SUGCT: variants seen among roughly 807,000 people sequenced by gnomAD.
SUGCT encodes the protein succinyl-CoA:glutarate CoA-transferase.
SUGCT carries 41 observed loss-of-function variants against 55.0 expected under a neutral mutation model. That is an observed-to-expected ratio of 0.74 (90% CI 0.58 to 0.97). The LOEUF is 0.97. Among genes scored for constraint, SUGCT ranks in the 50% least tolerant of loss-of-function variants. The pLI, the probability that SUGCT is intolerant of heterozygous loss-of-function variation, is 0.00. For missense variants in SUGCT, 568 were observed against 547.8 expected (o/e 1.04, Z -0.37); for synonymous variants, 187 against 200.4 (o/e 0.93, Z 0.56).
intron 9 of SUGCT, among the ~76,000 whole-genome samples, chr7:40,361,693 G>A (rs1436556016): frequency 6.6e-6 from 1 of 152,164 alleles, no homozygotes. Flanking sequence ...GTGGCTTACT[G>A]TAGTGTTTTG....
the SUGCT span, among the ~76,000 whole-genome samples, chr7:40,904,170 T>C: frequency 6.6e-6 from 1 of 152,236 alleles, no homozygotes; most frequent in Admixed American, 6.5e-5. Flanking sequence ...GCGAGTACTT[T>C]TAAAGCAAGT....
At chr7:40,313,615 G>T (rs1053017561) in intron 8 of SUGCT, among the ~76,000 whole-genome samples, 13 of 147,184 alleles carry the variant, frequency 8.8e-5, no homozygotes, top group African/African-American at 2.7e-4. Flanking sequence ...TCACACTTTG[G>T]TTTTTTTGTT....
intron 13 of SUGCT, among the ~76,000 whole-genome samples, chr7:40,828,302 A>G (rs749234899): frequency 2.0e-5 from 3 of 152,160 alleles, no homozygotes; most frequent in Admixed American, 1.3e-4. Flanking sequence ...GGGAGCAAGC[A>G]TGTTCCAGTT....
chr7:40,883,899 C>T, the SUGCT span, among the ~76,000 whole-genome samples: 1 of 152,182 alleles, frequency 6.6e-6, no homozygotes, highest in Non-Finnish European at 1.5e-5. Context: ...GATATGCAAC[C>T]ACAGACAGAG....
intron 12 of SUGCT, among the ~76,000 whole-genome samples, chr7:40,643,515 G>T (rs1015809165): frequency 1.3e-5 from 2 of 152,140 alleles, no homozygotes; most frequent in Non-Finnish European, 2.9e-5. Flanking sequence ...CACCTCTTAC[G>T]TTTTTGTCCC....
chr7:40,382,966 G>A (rs1784943164), intron 9 of SUGCT, among the ~76,000 whole-genome samples: 1 of 152,142 alleles, frequency 6.6e-6, no homozygotes, highest in Non-Finnish European at 1.5e-5. Context: ...TTTATTGAAT[G>A]TACAAGAAGA....
chr7:40,446,354 C>CA (rs898196028), intron 9 of SUGCT, among the ~76,000 whole-genome samples: 20 of 152,180 alleles, frequency 1.3e-4, no homozygotes, highest in African/African-American at 1.7e-4. Flanking sequence ...CCCTTCTCCA[C>CA]AAAAAAGCAA....
intron 12 of SUGCT, among the ~76,000 whole-genome samples, chr7:40,640,165 A>C (rs933247476): frequency 6.6e-6 from 1 of 152,208 alleles, no homozygotes; most frequent in African/African-American, 2.4e-5. Context: ...CAAGTCAGAA[A>C]AATCAAACAA....
downstream of SUGCT, among the ~76,000 whole-genome samples, chr7:40,864,138 T>C (rs558432459): frequency 7.2e-4 from 110 of 152,290 alleles, no homozygotes; most frequent in African/African-American, 2.4e-3. Flanking sequence ...CATGCCATTT[T>C]CTGAGCATGA....
At chr7:40,943,268 TTTA>T in the SUGCT span, among the ~76,000 whole-genome samples, 796 of 151,062 alleles carry the variant, frequency 5.3e-3, 6 homozygotes, top group African/African-American at 0.018. Flanking sequence ...GTGACTTTAT[TTTA>T]TTATTATTAT....
chr7:40,698,679 T>G (rs1785043520), intron 12 of SUGCT, among the ~76,000 whole-genome samples: 1 of 152,224 alleles, frequency 6.6e-6, no homozygotes, highest in Admixed American at 6.5e-5. Context: ...AAGATTGGGC[T>G]TCGTATCCAG....
chr7:40,849,244 A>T (rs1793731759), intron 13 of SUGCT, among the ~76,000 whole-genome samples: 1 of 152,246 alleles, frequency 6.6e-6, no homozygotes, highest in Admixed American at 6.5e-5. Context: ...TAAGAAAAAA[A>T]TCAAATGAAA....
intron 6 of SUGCT, among the ~76,000 whole-genome samples, chr7:40,201,333 C>T (rs748101810): frequency 4.6e-5 from 7 of 152,010 alleles, no homozygotes; most frequent in East Asian, 3.9e-4. Flanking sequence ...GTTCATCTGG[C>T]GATGTTCACA....
intron 9 of SUGCT, among the ~76,000 whole-genome samples, chr7:40,364,580 G>A (rs1783826119): frequency 1.3e-5 from 2 of 152,132 alleles, no homozygotes; most frequent in South Asian, 4.1e-4. Flanking sequence ...ATGAAGCTTA[G>A]TTTGGGTGGA....
chr7:40,269,746 C>CATTTGTAT (rs1791880059), intron 7 of SUGCT, among the ~76,000 whole-genome samples: 1 of 152,104 alleles, frequency 6.6e-6, no homozygotes, highest in Admixed American at 6.6e-5. Context: ...GTTTAATGAC[C>CATTTGTAT]ATTTGTATAT....
the SUGCT span, among the ~76,000 whole-genome samples, chr7:41,036,324 T>C: frequency 6.6e-6 from 1 of 152,220 alleles, no homozygotes; most frequent in Non-Finnish European, 1.5e-5. Flanking sequence ...TGTAACAATT[T>C]ATGTTAGAAA....
chr7:40,548,669 T>C (rs1020068836), intron 12 of SUGCT, among the ~76,000 whole-genome samples: 3 of 152,140 alleles, frequency 2.0e-5, no homozygotes, highest in Admixed American at 6.6e-5. Context: ...TGAACCTACA[T>C]TGACCCATCC....
In SUGCT at chr7:40,823,178, G is replaced by A. The variant is rs1255080834; in HGVS notation, c.1154-37138G>A. ...ACCATACATCCTATTTGAATTTCAT[G>A]GAGCAACCCCCTTAAATAACTTTTA... On this transcript the variant is annotated intron_variant, in intron 13 of 13. Coordinates refer to ENST00000335693, the MANE Select transcript of SUGCT (RefSeq NM_001193313.2). 2.0e-5 allele frequency among the ~76,000 whole-genome samples: 3 copies of A among 152,200 alleles called. No homozygotes were observed. In the East Asian group the frequency reaches 5.8e-4, roughly 29 times the overall value.
chr7:40,587,139 A>G (rs1797422350), intron 12 of SUGCT, among the ~76,000 whole-genome samples: 1 of 152,244 alleles, frequency 6.6e-6, no homozygotes, highest in African/African-American at 2.4e-5. Context: ...GCTGGCAGTG[A>G]AAGGCAGGGA....
Sources: gnomAD v4.1 joint callset for allele counts (sites outside exome capture counted in the v4.1 genomes callset) on GRCh38, gnomAD v4.1.1 for gene constraint, MANE v1.5 for transcripts, NCBI Gene and HGNC (gene_info 2026-07-23, HGNC 2026-07-21) for gene names.